FREM2: variants seen among roughly 807,000 people sequenced by gnomAD.
FREM2 encodes the protein FRAS1-related extracellular matrix protein 2.
A neutral mutation model predicts 219.9 loss-of-function variants in FREM2; 119 were observed. The ratio of observed to expected loss-of-function variants is 0.54; its 90% CI spans 0.47 to 0.63. The LOEUF is 0.63. Among genes scored for constraint, FREM2 ranks in the 30% least tolerant of loss-of-function variants. FREM2 has a pLI of 0.00. For synonymous variants in FREM2, 1,562 were observed against 1,522.8 expected, an observed-to-expected ratio of 1.03 and a Z score of -0.60; for missense variants, 4,030 against 3,993.6, an observed-to-expected ratio of 1.01 and a Z score of -0.25.
At position 38,690,197 on chromosome 13, in the gene FREM2, G is replaced by T; in HGVS notation, c.2853G>T (p.Glu951Asp). The change falls in exon 1 of 24, where the codon GAG (glutamate) becomes GAT (aspartate). Residue 951 changes from glutamate to aspartate, a missense_variant. By Grantham distance (45) the Glu-to-Asp change is conservative. Coordinates refer to ENST00000280481, the MANE Select transcript of FREM2 (RefSeq NM_207361.6). ...TGAGCCATCCTACTGGCACTCTGGA[G>T]TCCTATCTAGATGTCTTAGAAAATG... Reference protein sequence around the residue: ...PILSHPTGTLESYLDVLENGA... With the variant: ...PILSHPTGTLDSYLDVLENGA... The T allele has an allele frequency of 6.2e-7, 1 of 1,614,166 alleles. No individual in the cohort carries two copies. The highest frequency in any genetic ancestry group is 8.5e-7 in the Non-Finnish European group (1 of 1,180,030).
intron 2 of FREM2, among the ~76,000 whole-genome samples, chr13:38,702,525 C>T (rs1436480050): frequency 4.6e-5 from 7 of 152,060 alleles, no homozygotes; most frequent in Non-Finnish European, 5.9e-5. Flanking sequence ...AAAAAGTCCT[C>T]GTGTAAACTT....
chr13:38,833,522 A>G (rs1876589973), intron 6 of FREM2, among the ~76,000 whole-genome samples: 1 of 152,170 alleles, frequency 6.6e-6, no homozygotes, highest in Admixed American at 6.6e-5. Context: ...TAAGACAAGG[A>G]CATTAAAATA....
chr13:38,835,818 G>T (rs889399388), intron 6 of FREM2, among the ~76,000 whole-genome samples: 4 of 152,234 alleles, frequency 2.6e-5, no homozygotes, highest in South Asian at 2.1e-4. Flanking sequence ...TGCTGAAGTT[G>T]CTTATCAGCA....
intron 6 of FREM2, among the ~76,000 whole-genome samples, chr13:38,800,265 A>G (rs1364626324): frequency 2.0e-5 from 3 of 152,186 alleles, no homozygotes; most frequent in Non-Finnish European, 4.4e-5. Flanking sequence ...GAATTTAATC[A>G]GCATTTTCTT....
At chr13:38,814,224 T>G (rs917805854) in intron 6 of FREM2, among the ~76,000 whole-genome samples, 7 of 152,162 alleles carry the variant, frequency 4.6e-5, no homozygotes, top group Non-Finnish European at 8.8e-5. Context: ...GGTGAGGTCT[T>G]GTTTTCCTGG....
chr13:38,876,839 A>T (rs777329844), intron 20 of FREM2, among the ~76,000 whole-genome samples: 6 of 152,170 alleles, frequency 3.9e-5, no homozygotes, highest in Admixed American at 6.6e-5. Flanking sequence ...ACTGACAATG[A>T]TATTTACAAG....
chr13:38,829,755 A>T (rs962254897), intron 6 of FREM2, among the ~76,000 whole-genome samples: 6 of 150,858 alleles, frequency 4.0e-5, no homozygotes, highest in African/African-American at 1.5e-4. Flanking sequence ...TAATTTGTTT[A>T]TTCAAATAAA....
chr13:38,874,744 T>C (rs1878285153), intron 18 of FREM2, among the ~76,000 whole-genome samples, 158 bp downstream of exon 18: 1 of 152,226 alleles, frequency 6.6e-6, no homozygotes, highest in Non-Finnish European at 1.5e-5. Flanking sequence ...TGATAATTGT[T>C]CAGCTTCACC....
Position 38,689,811 on chromosome 13 carries a change from C to T in FREM2, c.2467C>T (p.His823Tyr). 1.2e-6 allele frequency: 2 copies of T among 1,614,068 alleles called. No homozygotes were observed. Among genetic ancestry groups the T allele is most frequent in the Non-Finnish European group, 1.7e-6 (2 of 1,179,990 alleles). ...TCCAGGTACCTTTACCCTTTACTTG[C>T]ATCCCGTGGACAACCAGCCACCTGA... ...VAPGTFTLYLHPVDNQPPEIL... is the reference protein window; with the variant it reads ...VAPGTFTLYLYPVDNQPPEIL... Residue 823 changes from histidine to tyrosine, a missense_variant, in exon 1 of 24, where the codon CAT becomes TAT. His to Tyr is a moderately conservative substitution (Grantham distance 83, BLOSUM62 2). Around this residue, in one of 2 missense-constraint regions of FREM2, gnomAD observed 3,102 missense variants for 2,950.7 expected, o/e 1.05. Transcript: ENST00000280481.
intron 6 of FREM2, among the ~76,000 whole-genome samples, chr13:38,817,264 G>A (rs1875802775): frequency 1.3e-5 from 2 of 152,006 alleles, no homozygotes; most frequent in African/African-American, 4.8e-5. Context: ...GCAATCCTGT[G>A]CAAAAAGAAC....
chr13:38,872,995 G>A (rs944407820), intron 17 of FREM2, 61 bp downstream of exon 17: 26 of 1,493,304 alleles, frequency 1.7e-5, no homozygotes, highest in Non-Finnish European at 2.3e-5. Flanking sequence ...TATTTAAGAC[G>A]ATTTTTTTTT....
chr13:38,878,321 G>A lies in FREM2; in HGVS notation c.8859G>A (p.Val2953=). ...SPSLLYRFKI[V]DKAQPETQAT... ...CACTCTTATATAGATTTAAAATTGT[G>A]GTAAGTGCTTTGACCCAAAAAATGA... is the stretch of plus-strand genomic sequence containing the variant. Residue 2953 remains valine, a splice_region_variant and synonymous_variant, in exon 22 of 24, where the codon GTG becomes GTA. Transcript: ENST00000280481. 6.2e-7 allele frequency: 1 copy of A among 1,611,624 alleles called. No homozygotes were observed. The highest frequency in any genetic ancestry group is 8.5e-7 in the Non-Finnish European group (1 of 1,178,804).
At position 38,784,695 on chromosome 13, in the gene FREM2, CTT is replaced by C; in HGVS notation, c.5908_5909del (p.Leu1970ValfsTer33). On this transcript the variant is annotated frameshift_variant, in exon 6 of 24. Transcript: ENST00000280481. LOFTEE classifies it high-confidence loss of function. ...TGTCGGATAGTCATAATTGATGACT[CTT>C]TGTACGAGGAGGAGGAAACCTTCCA... 6.2e-7 allele frequency: 1 copy of C among 1,614,118 alleles called. No individual in the cohort carries two copies. Among genetic ancestry groups the C allele is most frequent in the Non-Finnish European group, 8.5e-7 (1 of 1,179,988 alleles).
At chr13:38,836,531 C>G (rs2137894272) in intron 6 of FREM2, among the ~76,000 whole-genome samples, 1 of 152,258 alleles carries the variant, frequency 6.6e-6, no homozygotes, top group African/African-American at 2.4e-5. Flanking sequence ...ACCAGCTCCT[C>G]TTTGTACCTC....
intron 6 of FREM2, among the ~76,000 whole-genome samples, chr13:38,841,682 G>A (rs974144853): frequency 2.0e-5 from 3 of 152,040 alleles, no homozygotes; most frequent in South Asian, 2.1e-4. Context: ...AAAATCACTG[G>A]CTCTTCCTTC....
intron 4 of FREM2, among the ~76,000 whole-genome samples, chr13:38,779,033 T>C (rs1873997460): frequency 6.6e-6 from 1 of 152,196 alleles, no homozygotes; most frequent in Admixed American, 6.5e-5. Context: ...TTATATTTGG[T>C]GAAAACCTTA....
intron 2 of FREM2, among the ~76,000 whole-genome samples, chr13:38,748,999 A>C (rs1322471130): frequency 6.6e-6 from 1 of 152,182 alleles, no homozygotes; most frequent in African/African-American, 2.4e-5. Context: ...CAATAAAGAC[A>C]TGGGAGTCTG....
At chr13:38,697,808 G>C (rs1402843675) in intron 2 of FREM2, 21 bp downstream of exon 2, 1 of 1,376,974 alleles carries the variant, frequency 7.3e-7, no homozygotes, top group Non-Finnish European at 1.0e-6. Flanking sequence ...CCCTCTCCTG[G>C]TAGTGACCGC....
intron 6 of FREM2, among the ~76,000 whole-genome samples, chr13:38,831,273 C>T (rs992821844): frequency 5.9e-5 from 9 of 152,162 alleles, no homozygotes; most frequent in African/African-American, 2.2e-4. Context: ...AGCCTCTTCA[C>T]ATGCTACTGG....
Sources: gnomAD v4.1 joint callset for allele counts (sites outside exome capture counted in the v4.1 genomes callset) on GRCh38, gnomAD v4.1.1 for gene constraint, gnomAD v4.1.1 regional missense constraint, MANE v1.5 for transcripts, NCBI Gene and HGNC (gene_info 2026-07-23, HGNC 2026-07-21) for gene names.